The following IPO11 variants were observed in gnomAD, a reference collection of about 807,000 sequenced individuals.
IPO11 encodes the protein importin 11, also known as importin-11.
A neutral mutation model predicts 143.2 loss-of-function variants in IPO11; 66 were observed. The ratio of observed to expected loss-of-function variants is 0.46; its 90% confidence interval spans 0.38 to 0.57. The LOEUF is 0.57. Ranked by LOEUF, IPO11 falls within the 20% of genes least tolerant of loss-of-function variation. The pLI is 0.00. For missense variants in IPO11, 1,026 were observed against 1,141.0 expected (o/e 0.90, Z 1.45); for synonymous variants, 385 against 377.8 (o/e 1.02, Z -0.22).
At chr5:62,557,715 T>C (rs1037758862) in intron 26 of IPO11, among the ~76,000 whole-genome samples, 2 of 152,234 alleles carry the variant, frequency 1.3e-5, no homozygotes, top group African/African-American at 4.8e-5. Context: ...GTACCTAGAA[T>C]ACATTCCTTT....
chr5:62,509,745 A>G (rs901015426), intron 19 of IPO11, among the ~76,000 whole-genome samples: 34 of 152,324 alleles, frequency 2.2e-4, no homozygotes, highest in African/African-American at 8.2e-4. Context: ...GAATTGGTGT[A>G]TATATGCAAT....
At chr5:62,426,943 T>TTTTTTTTTTTTTTTTTC (rs1743769752) in intron 1 of IPO11, among the ~76,000 whole-genome samples, 1 of 142,012 alleles carries the variant, frequency 7.0e-6, no homozygotes. Context: ...TTTTTTTTTT[T>TTTTTTTTTTTTTTTTTC]TTTTTTTTTT....
chr5:62,537,202 A>C lies in IPO11; in HGVS notation c.2170-7A>C. 6.5e-7 allele frequency: 1 copy of C among 1,548,352 alleles called. No homozygotes were observed. Among genetic ancestry groups the C allele is most frequent in the Non-Finnish European group, 8.8e-7 (1 of 1,131,222 alleles). On this transcript the variant is annotated splice_region_variant and splice_polypyrimidine_tract_variant and intron_variant, in intron 23 of 29. Coordinates refer to ENST00000325324, the MANE Select transcript of IPO11 (RefSeq NM_016338.5). ...CTTACATATATTGACTTTTAATTGA[A>C]TTTCAGACATACGCAGTAGGTCTAT...
intron 15 of IPO11, among the ~76,000 whole-genome samples, chr5:62,491,078 C>G (rs1054604766): frequency 6.6e-6 from 1 of 152,006 alleles, no homozygotes; most frequent in Non-Finnish European, 1.5e-5. Context: ...GGGCTTTTTT[C>G]TTAATTTGAA....
At chr5:62,589,723 G>C (rs1404132868) in intron 27 of IPO11, among the ~76,000 whole-genome samples, 1 of 152,114 alleles carries the variant, frequency 6.6e-6, no homozygotes, top group Non-Finnish European at 1.5e-5. Context: ...GGAGAAGTCT[G>C]TGCCAGAGAA....
intron 26 of IPO11, among the ~76,000 whole-genome samples, chr5:62,560,042 A>G (rs1743722083): frequency 6.6e-6 from 1 of 151,516 alleles, no homozygotes; most frequent in Non-Finnish European, 1.5e-5. Flanking sequence ...TATATTTTAT[A>G]GGGAATTGCT....
chr5:62,517,739 G>A (rs1044119602), intron 20 of IPO11, among the ~76,000 whole-genome samples: 1 of 152,128 alleles, frequency 6.6e-6, no homozygotes, highest in African/African-American at 2.4e-5. Context: ...TGGGAGTTTT[G>A]TGAGAGACAT....
chr5:62,442,255 T>G (rs1307717463), intron 2 of IPO11, among the ~76,000 whole-genome samples: 2 of 152,206 alleles, frequency 1.3e-5, no homozygotes, highest in African/African-American at 4.8e-5. Flanking sequence ...AATCTTTGAA[T>G]CTATGCTGTA....
chr5:62,427,181 C>T (rs1743784045), intron 1 of IPO11, among the ~76,000 whole-genome samples: 1 of 151,804 alleles, frequency 6.6e-6, no homozygotes, highest in Non-Finnish European at 1.5e-5. Flanking sequence ...CTCAGGTGAT[C>T]CACCTGCCTC....
intron 16 of IPO11, 74 bp from the exon 17 acceptor site, chr5:62,504,593 A>C: frequency 2.4e-6 from 2 of 850,996 alleles, no homozygotes; most frequent in East Asian, 5.6e-5. Flanking sequence ...ATTTGGAATA[A>C]AATTTTTTGT....
intron 5 of IPO11, among the ~76,000 whole-genome samples, chr5:62,455,264 G>C (rs572656842): frequency 6.6e-6 from 1 of 152,228 alleles, no homozygotes; most frequent in Non-Finnish European, 1.5e-5. Context: ...GCTCACGCCT[G>C]TAGTCCCAGC....
intron 3 of IPO11, 175 bp from the exon 4 acceptor site, chr5:62,449,752 T>G (rs1281179620): frequency 2.3e-6 from 1 of 434,108 alleles, no homozygotes; most frequent in Non-Finnish European, 4.1e-6. Flanking sequence ...CTTTTTATTG[T>G]TAAAGTTCAC....
At chr5:62,508,114 T>C (rs549834547) in intron 19 of IPO11, among the ~76,000 whole-genome samples, 1 of 152,280 alleles carries the variant, frequency 6.6e-6, no homozygotes, top group South Asian at 2.1e-4. Flanking sequence ...CAGCAAACTT[T>C]TAAAAAATGT....
intron 19 of IPO11, among the ~76,000 whole-genome samples, chr5:62,510,753 T>G (rs1414952099): frequency 6.6e-6 from 1 of 152,170 alleles, no homozygotes; most frequent in African/African-American, 2.4e-5. Context: ...TTTTGTTTTT[T>G]GAGATGGAGT....
chr5:62,468,966 A>G (rs1745664342), intron 6 of IPO11, among the ~76,000 whole-genome samples: 1 of 152,202 alleles, frequency 6.6e-6, no homozygotes. Flanking sequence ...CATTCGACAA[A>G]TCTATAGATC....
chr5:62,549,999 A>G (rs1304785540), intron 24 of IPO11, among the ~76,000 whole-genome samples: 9 of 152,208 alleles, frequency 5.9e-5, no homozygotes, highest in Admixed American at 2.0e-4. Flanking sequence ...CAAAAAGCCA[A>G]TGTTTTAAAA....
chr5:62,606,480 TAAA>T (rs760722973), intron 29 of IPO11, among the ~76,000 whole-genome samples: 1 of 56,108 alleles, frequency 1.8e-5, no homozygotes, highest in Non-Finnish European at 2.9e-5. Context: ...GACCCTGTCT[TAAA>T]AAAAAAAAAA....
Position 62,485,307 on chromosome 5 carries a change from CTTAATG to C in IPO11, c.1175-108_1175-103del, listed in dbSNP as rs1746359021. On this transcript the variant is annotated intron_variant, in intron 11 of 29. Coordinates refer to ENST00000325324, the MANE Select transcript of IPO11 (RefSeq NM_016338.5). Reference sequence around the variant, plus strand: ...AGGCCTGTGTTCCCAAGGCTTTGCTCTTAATGTTATGTTTAAAAGAGTTCACAAAAA... The same window carrying C: ...AGGCCTGTGTTCCCAAGGCTTTGCTCTTATGTTTAAAAGAGTTCACAAAAA... The C allele has an allele frequency of 1.7e-5, 14 of 815,236 alleles. No individual in the cohort carries two copies. In the Admixed American group the frequency reaches 2.5e-4, roughly 15 times the overall value. The allele number at this position is 815,236 out of a possible 1,614,324, so 50.5% of individuals were successfully genotyped here.
At chr5:62,611,160 G>GC (rs1316011283) in intron 29 of IPO11, among the ~76,000 whole-genome samples, 2 of 152,036 alleles carry the variant, frequency 1.3e-5, no homozygotes, top group African/African-American at 4.8e-5. Flanking sequence ...TATAAATGAG[G>GC]CCCACAAGCT....
Sources: gnomAD v4.1 joint callset for allele counts (sites outside exome capture counted in the v4.1 genomes callset) on GRCh38, gnomAD v4.1.1 for gene constraint, MANE v1.5 for transcripts, NCBI Gene and HGNC (gene_info 2026-07-23, HGNC 2026-07-21) for gene names.